Variants in ZNF738 observed in about 807,000 individuals in gnomAD.
ZNF738 encodes zinc finger protein 738.
In ZNF738, 10 loss-of-function variants were observed where a neutral mutation model predicts 9.2. The ratio of observed to expected loss-of-function variants is 1.09; its 90% CI spans 0.67 to 1.85. The LOEUF is 1.85. ZNF738 is among the 40% of genes most tolerant of loss of function. The pLI, the probability that ZNF738 is intolerant of heterozygous loss-of-function variation, is 0.00. For missense variants in ZNF738, 346 were observed against 283.6 expected (o/e 1.22, Z -1.58); for synonymous variants, 113 against 94.5 (o/e 1.20, Z -1.14).
intron 2 of ZNF738, among the ~76,000 whole-genome samples, chr19:21,373,343 G>A (rs1463411199): frequency 6.6e-6 from 1 of 152,144 alleles, no homozygotes; most frequent in Non-Finnish European, 1.5e-5. Context: ...TGACTCTAAG[G>A]TGAGGCCAGA....
rs1253285262 is a variant in ZNF738, at chr19:21,383,782, C to T, written c.*108C>T. ...AATGTGGCAAAGCTTTTAAACAGTC[C>T]TCAAACCTTACTACTCATGAAAATT... On this transcript the variant is annotated 3_prime_UTR_variant, in exon 5 of 5. Coordinates refer to ENST00000683779, the MANE Select transcript of ZNF738 (RefSeq NM_001355237.2). The T allele has an allele frequency of 4.2e-6, 5 of 1,181,176 alleles. No individual in the cohort carries two copies. Among genetic ancestry groups the T allele is most frequent in the Non-Finnish European group, 6.3e-6 (5 of 795,856 alleles). The allele number at this position is 1,181,176 out of a possible 1,614,324, so 73.2% of individuals were successfully genotyped here. A position where few individuals can be genotyped will look rare whatever the true frequency, so the allele number is the denominator to read the frequency against.
Position 21,359,215 on chromosome 19 carries a change from G to A in ZNF738, c.3+72G>A. The A allele has an allele frequency of 3.1e-6, 3 of 959,090 alleles. No homozygotes were observed. In the East Asian group the frequency reaches 7.2e-5, roughly 23 times the overall value. 59.4% of individuals were successfully genotyped at this position (959,090 alleles called of 1,614,324 possible). ...GGAACCGGTGGGAAGTGGCTGTGGCGAGACTCAGGCCTCCCCGCAGTCAGC... is the reference window on the plus strand; with the variant it reads ...GGAACCGGTGGGAAGTGGCTGTGGCAAGACTCAGGCCTCCCCGCAGTCAGC... On this transcript the variant is annotated intron_variant, in intron 1 of 4. Transcript: ENST00000683779.
chr19:21,365,440 C>G (rs1054039181), intron 2 of ZNF738, among the ~76,000 whole-genome samples: 1 of 151,846 alleles, frequency 6.6e-6, no homozygotes, highest in Non-Finnish European at 1.5e-5. Flanking sequence ...CTCTTTTGTA[C>G]AAAAAAACCC....
chr19:21,377,417 A>T (rs955123743), intron 4 of ZNF738: 1 of 706,662 alleles, frequency 1.4e-6, no homozygotes, highest in South Asian at 1.5e-5. Context: ...TTCCTACTAT[A>T]ATTATATTGC....
In ZNF738 at chr19:21,383,535, A is replaced by G. The variant is rs1974032440; in HGVS notation, c.989A>G (p.Tyr330Cys). The part of the protein sequence containing the change: ...GCGKAFCQFS[Y>C]LTKHKIIHTG... ...GGCAAAGCTTTCTGCCAATTCTCAT[A>G]CCTTACTAAACATAAGATAATTCAT... Residue 330 changes from tyrosine to cysteine, a missense_variant, in exon 5 of 5, where the codon TAC becomes TGC. Transcript: ENST00000683779. The G allele has an allele frequency of 1.0e-6, 1 of 972,534 alleles. No individual in the cohort carries two copies. Among genetic ancestry groups the G allele is most frequent in the East Asian group, 2.7e-5 (1 of 36,944 alleles). 60.2% of individuals were successfully genotyped at this position (972,534 alleles called of 1,614,324 possible).
intron 2 of ZNF738, among the ~76,000 whole-genome samples, chr19:21,368,652 T>G (rs58638125): frequency 0.023 from 3,547 of 152,036 alleles, 145 homozygotes; most frequent in African/African-American, 0.077. Flanking sequence ...GAGATGGGGT[T>G]TCACCATGTT....
intron 1 of ZNF738, 77 bp downstream of exon 1, chr19:21,359,220 T>C (rs1272618791): frequency 3.2e-6 from 3 of 931,008 alleles, no homozygotes; most frequent in Non-Finnish European, 5.4e-6. Flanking sequence ...GTGGCGAGAC[T>C]CAGGCCTCCC....
At chr19:21,379,411 T>A (rs993446670) in intron 4 of ZNF738, 3 of 152,226 alleles carry the variant, frequency 2.0e-5, no homozygotes, top group African/African-American at 7.2e-5. Flanking sequence ...ATTCTTACAA[T>A]GTGTCTTGCC....
At position 21,384,531 on chromosome 19, in the gene ZNF738, T is replaced by C. The variant is rs561713011; in HGVS notation, c.*857T>C. ...TGAAGAAAGTGGCAAAGCTTTTAACTGTTCCTCACAAATTACTAGACATAA... is the reference window on the plus strand; with the variant it reads ...TGAAGAAAGTGGCAAAGCTTTTAACCGTTCCTCACAAATTACTAGACATAA... On this transcript the variant is annotated 3_prime_UTR_variant, in exon 5 of 5. Transcript: ENST00000683779. 6.0e-5 allele frequency among the ~76,000 whole-genome samples: 9 copies of C among 150,706 alleles called. No homozygotes were observed. Among genetic ancestry groups the C allele is most frequent in the Admixed American group, 1.3e-4 (2 of 15,140 alleles).
chr19:21,376,646 G>T (rs1485585676), intron 4 of ZNF738, among the ~76,000 whole-genome samples: 1 of 152,122 alleles, frequency 6.6e-6, no homozygotes, highest in Non-Finnish European at 1.5e-5. Flanking sequence ...TCTGCCTCCA[G>T]CGATTCTCCT....
At position 21,387,345 on chromosome 19, in the gene ZNF738, C is replaced by A. The variant is rs568585137; in HGVS notation, c.*3671C>A. ...CTGGGATTACAGGCACCTGCCACCA[C>A]GCCTGGCTAATTTTTGTACTTTTAG... On this transcript the variant is annotated 3_prime_UTR_variant, in exon 5 of 5. Coordinates refer to ENST00000683779, the MANE Select transcript of ZNF738 (RefSeq NM_001355237.2). 1.3e-5 allele frequency among the ~76,000 whole-genome samples: 2 copies of A among 152,130 alleles called. No individual in the cohort carries two copies. Among genetic ancestry groups the A allele is most frequent in the African/African-American group, 2.4e-5 (1 of 41,414 alleles).
Position 21,384,019 on chromosome 19 carries a change from C to T in ZNF738, c.*345C>T, listed in dbSNP as rs1335022171. 3.9e-6 allele frequency: 6 copies of T among 1,521,130 alleles called. No individual in the cohort carries two copies. The highest frequency in any genetic ancestry group is 5.5e-6 in the Non-Finnish European group (6 of 1,100,398). 94.2% of individuals were successfully genotyped at this position (1,521,130 alleles called of 1,614,324 possible). ...TACAAATGTGAAGAATGTGGCAAAG[C>T]TTTCTACCGATTCATTTACCTTACT... On this transcript the variant is annotated 3_prime_UTR_variant, in exon 5 of 5. Transcript: ENST00000683779.
chr19:21,363,033 G>A (rs1289559498), intron 2 of ZNF738, among the ~76,000 whole-genome samples: 1 of 152,106 alleles, frequency 6.6e-6, no homozygotes, highest in African/African-American at 2.4e-5. Context: ...TGATTTCTGA[G>A]TTTTATGCTA....
chr19:21,361,724 G>T (rs1441692775), intron 1 of ZNF738, 42 bp from the exon 2 acceptor site: 1 of 776,820 alleles, frequency 1.3e-6, no homozygotes, highest in African/African-American at 1.7e-5. Context: ...GTCAGCTAGA[G>T]TGTCTAGTGG....
At chr19:21,379,372 G>A (rs1018952006) in intron 4 of ZNF738, 4 of 152,212 alleles carry the variant, frequency 2.6e-5, no homozygotes, top group Non-Finnish European at 4.4e-5. Context: ...AATTGTCTGG[G>A]TTAGAGATTC....
chr19:21,367,247 C>T (rs546642810), intron 2 of ZNF738, among the ~76,000 whole-genome samples: 1 of 152,140 alleles, frequency 6.6e-6, no homozygotes, highest in Non-Finnish European at 1.5e-5. Flanking sequence ...ATTTGACTTT[C>T]CTCAGTTGTA....
intron 2 of ZNF738, chr19:21,372,527 T>A (rs1357735228): frequency 6.6e-6 from 1 of 152,188 alleles, no homozygotes; most frequent in Middle Eastern, 3.2e-3. Flanking sequence ...AAACTATACA[T>A]TTTAAGATCT....
rs1445775791 is a variant in ZNF738 at position 21,387,762 on chromosome 19, T to G, written c.*4088T>G. ...TGAAGAAGAGAATTTATATTGAAGA[T>G]GGACATTACAAACATAAAGAGGGTT... On this transcript the variant is annotated 3_prime_UTR_variant, in exon 5 of 5. Coordinates refer to ENST00000683779, the MANE Select transcript of ZNF738 (RefSeq NM_001355237.2). Among the ~76,000 whole-genome samples the G allele has an allele frequency of 6.6e-6, 1 of 152,214 alleles. No individual in the cohort carries two copies. Among genetic ancestry groups the G allele is most frequent in the Non-Finnish European group, 1.5e-5 (1 of 68,040 alleles).
rs965598710 is a variant in ZNF738, at chr19:21,385,545, C to T, written c.*1871C>T. Among the ~76,000 whole-genome samples, 2 of 152,012 alleles carry T rather than the reference C, an allele frequency of 1.3e-5. No homozygotes were observed. Among genetic ancestry groups the T allele is most frequent in the African/African-American group, 4.8e-5 (2 of 41,394 alleles). ...GTGAAGAATGTGAGAAAGCTCTTAA[C>T]CAGTCCTCACACCTTACTGCACATA... On this transcript the variant is annotated 3_prime_UTR_variant, in exon 5 of 5. Transcript: ENST00000683779.
Sources: gnomAD v4.1 joint callset for allele counts (sites outside exome capture counted in the v4.1 genomes callset) on GRCh38, gnomAD v4.1.1 for gene constraint, MANE v1.5 for transcripts, NCBI Gene and HGNC (gene_info 2026-07-23, HGNC 2026-07-21) for gene names.